Variants in ZSCAN5B observed in about 807,000 individuals in gnomAD.
The protein encoded by ZSCAN5B is zinc finger and SCAN domain-containing protein 5B.
In ZSCAN5B, 26 loss-of-function variants were observed where a neutral mutation model predicts 25.2. That is an observed-to-expected ratio of 1.03 (90% CI 0.76 to 1.43). ZSCAN5B has a LOEUF of 1.43. Ranked by LOEUF, ZSCAN5B falls within the 40% of genes most tolerant of loss-of-function variation. The probability of loss-of-function intolerance (pLI) is 0.00; values close to 1 mark genes in which losing one functional copy is unlikely to be tolerated. For synonymous variants in ZSCAN5B, 244 were observed against 240.9 expected (o/e 1.01, Z -0.12); for missense variants, 745 against 622.1 (o/e 1.20, Z -2.10).
exon 5 of ZSCAN5B, chr19:56,190,101 T>A: frequency 6.2e-7 from 1 of 1,614,052 alleles, no homozygotes; most frequent in Non-Finnish European, 8.5e-7. Flanking sequence ...CTCGCCAGTG[T>A]GGACTCGCTG....
intron 1 of ZSCAN5B, among the ~76,000 whole-genome samples, chr19:56,196,898 T>A (rs74906208): frequency 0.017 from 2,565 of 152,200 alleles, 29 homozygotes; most frequent in Middle Eastern, 0.044. Flanking sequence ...AAAGCGGAGA[T>A]CGAGGCTGAG....
chr19:56,197,114 A>G (rs1165410821), intron 1 of ZSCAN5B, among the ~76,000 whole-genome samples: 6 of 152,188 alleles, frequency 3.9e-5, no homozygotes, highest in African/African-American at 1.4e-4. Flanking sequence ...CCGTCTCTGA[A>G]AAATAAAATG....
exon 2 of ZSCAN5B, chr19:56,192,701 G>A (rs1386636760): frequency 1.3e-6 from 2 of 1,579,562 alleles, no homozygotes; most frequent in Non-Finnish European, 1.7e-6. Context: ...TTTCGTAGCA[G>A]GTCCTCCAGG....
At position 56,197,717 on chromosome 19, in the gene ZSCAN5B, C is replaced by T. The variant is rs537578540; in HGVS notation, c.-128+17G>A. ...GCCAGCTCCGAAACCCCACAGCCAT[C>T]GCCGCTGGACACTCACCTCCTTCCC... On this transcript the variant is annotated intron_variant, in intron 1 of 4. Coordinates refer to ENST00000586855, the Ensembl canonical transcript of ZSCAN5B. 3.0e-6 allele frequency: 3 copies of T among 984,976 alleles called. No individual in the cohort carries two copies. Among genetic ancestry groups the T allele is most frequent in the African/African-American group, 1.7e-5 (1 of 57,302 alleles). 61.0% of individuals were successfully genotyped at this position (984,976 alleles called of 1,614,324 possible).
At chr19:56,194,723 C>T (rs1415099806) in intron 1 of ZSCAN5B, among the ~76,000 whole-genome samples, 2 of 151,950 alleles carry the variant, frequency 1.3e-5, no homozygotes, top group East Asian at 3.9e-4. Flanking sequence ...GTTCATATGG[C>T]TCTCCTTCTT....
chr19:56,189,940 G>C (rs764485473), exon 5 of ZSCAN5B: 1 of 1,614,018 alleles, frequency 6.2e-7, no homozygotes, highest in Non-Finnish European at 8.5e-7. Flanking sequence ...GAGTGGGTGC[G>C]CTGGTGAACG....
chr19:56,190,705 T>C (rs2032719595), intron 4 of ZSCAN5B, 130 bp from the exon 5 acceptor site: 6 of 1,540,694 alleles, frequency 3.9e-6, no homozygotes, highest in Admixed American at 4.2e-5. Flanking sequence ...CATTGGACTG[T>C]AGGTCTCTGG....
chr19:56,193,102 C>G (rs1325014908), exon 2 of ZSCAN5B: 42 of 1,477,934 alleles, frequency 2.8e-5, no homozygotes, highest in Non-Finnish European at 3.3e-5. Flanking sequence ...CTTCCAGTAG[C>G]CAGTATCAAA....
At chr19:56,193,487 A>T (rs191489088) in intron 1 of ZSCAN5B, among the ~76,000 whole-genome samples, 192 of 152,382 alleles carry the variant, frequency 1.3e-3, no homozygotes, top group Non-Finnish European at 2.3e-3. Context: ...AATCTGATGT[A>T]ACAATAATGT....
chr19:56,190,241 G>C, exon 5 of ZSCAN5B: 1 of 1,614,134 alleles, frequency 6.2e-7, no homozygotes, highest in East Asian at 2.2e-5. Flanking sequence ...TATTGCACAC[G>C]TCACATGCAA....
intron 2 of ZSCAN5B, 112 bp downstream of exon 2, chr19:56,192,557 C>T (rs1377181824): frequency 6.0e-6 from 9 of 1,498,904 alleles, no homozygotes; most frequent in Non-Finnish European, 8.0e-6. Flanking sequence ...GCCTGTCCAT[C>T]TCCTAGGTCA....
intron 1 of ZSCAN5B, among the ~76,000 whole-genome samples, chr19:56,196,314 A>T (rs145262434): frequency 0.028 from 4,266 of 152,218 alleles, 85 homozygotes; most frequent in Middle Eastern, 0.054. Flanking sequence ...GGCCTCCCAG[A>T]GTGCTGGGAT....
intron 3 of ZSCAN5B, among the ~76,000 whole-genome samples, chr19:56,191,564 C>A (rs1035412630): frequency 1.3e-5 from 2 of 152,110 alleles, no homozygotes; most frequent in Non-Finnish European, 2.9e-5. Context: ...GGGGTAGGGA[C>A]CTTCAGTTCA....
At chr19:56,197,681 A>AC in intron 1 of ZSCAN5B, 53 bp downstream of exon 1, 1 of 950,888 alleles carries the variant, frequency 1.1e-6, no homozygotes, top group Non-Finnish European at 1.3e-6. Context: ...TCTGAAACCA[A>AC]CCCCCCGCAT....
At chr19:56,191,334 C>A in intron 3 of ZSCAN5B, among the ~76,000 whole-genome samples, 1 of 152,160 alleles carries the variant, frequency 6.6e-6, no homozygotes, top group East Asian at 1.9e-4. Context: ...GGAGGGGGCG[C>A]TCCTGTGCAG....
At chr19:56,191,683 C>A (rs1301498741) in intron 3 of ZSCAN5B, among the ~76,000 whole-genome samples, 167 bp downstream of exon 3, 1 of 127,452 alleles carries the variant, frequency 7.8e-6, no homozygotes, top group Admixed American at 1.0e-4. Flanking sequence ...GATGAGGCTT[C>A]CCTCTCTGTG....
At chr19:56,191,405 C>T (rs1016485715) in intron 3 of ZSCAN5B, among the ~76,000 whole-genome samples, 2 of 152,124 alleles carry the variant, frequency 1.3e-5, no homozygotes, top group Non-Finnish European at 2.9e-5. Flanking sequence ...CTGAGAATGC[C>T]AAACAAAAAT....
At chr19:56,193,772 C>A (rs989544856) in intron 1 of ZSCAN5B, among the ~76,000 whole-genome samples, 1 of 152,038 alleles carries the variant, frequency 6.6e-6, no homozygotes, top group Non-Finnish European at 1.5e-5. Flanking sequence ...ACCATCCTGG[C>A]TAACATGGTG....
chr19:56,191,909 C>T (rs1407198845), exon 3 of ZSCAN5B: 1 of 1,614,044 alleles, frequency 6.2e-7, no homozygotes, highest in South Asian at 1.1e-5. Context: ...CGGGCCTGGC[C>T]TGTCCCCGGA....
Sources: gnomAD v4.1 joint callset for allele counts (sites outside exome capture counted in the v4.1 genomes callset) on GRCh38, gnomAD v4.1.1 for gene constraint, MANE v1.5 for transcripts, NCBI Gene and HGNC (gene_info 2026-07-23, HGNC 2026-07-21) for gene names.